SLC44A5: variants seen among roughly 807,000 people sequenced by gnomAD.
SLC44A5 encodes choline transporter-like protein 5.
A neutral mutation model predicts 101.8 loss-of-function variants in SLC44A5; 57 were observed. The ratio of observed to expected loss-of-function variants is 0.56; its 90% confidence interval spans 0.45 to 0.70. SLC44A5 has a LOEUF of 0.70. Among genes scored for constraint, SLC44A5 ranks in the 30% least tolerant of loss-of-function variants. SLC44A5 has a pLI of 0.00. For synonymous variants in SLC44A5, 281 were observed against 290.9 expected (o/e 0.97, Z 0.35); for missense variants, 737 against 853.1 (o/e 0.86, Z 1.70).
intron 4 of SLC44A5, among the ~76,000 whole-genome samples, chr1:75,329,220 A>C (rs1313616855): frequency 1.3e-5 from 2 of 152,188 alleles, no homozygotes; most frequent in Non-Finnish European, 2.9e-5. Context: ...TGGACCTAGC[A>C]GTTTGAAAAC....
At chr1:75,442,868 T>G (rs1665289446) in intron 2 of SLC44A5, among the ~76,000 whole-genome samples, 1 of 152,174 alleles carries the variant, frequency 6.6e-6, no homozygotes, top group African/African-American at 2.4e-5. Flanking sequence ...TACTGTTCAT[T>G]TAGAAGTCAA....
At chr1:75,307,886 G>A (rs1035155383) in intron 4 of SLC44A5, among the ~76,000 whole-genome samples, 3 of 152,136 alleles carry the variant, frequency 2.0e-5, no homozygotes, top group Admixed American at 6.5e-5. Context: ...GAAGAATTTC[G>A]CTCTGTTACT....
chr1:75,462,021 C>T lies in SLC44A5; in HGVS notation c.14-65400G>A, dbSNP rs544167885. On this transcript the variant is annotated intron_variant, in intron 2 of 23. Transcript: ENST00000370859. ...CTTTGCCACCTGCTGACTGTAGAGC[C>T]CTATGGCACTGAGCAAACATAGGCC... 1.1e-3 allele frequency among the ~76,000 whole-genome samples: 160 copies of T among 152,260 alleles called. 1 individual carries two copies. Among genetic ancestry groups the T allele is most frequent in the Non-Finnish European group, 2.0e-3 (135 of 68,016 alleles).
chr1:75,564,156 T>TA (rs1672660618), intron 1 of SLC44A5, among the ~76,000 whole-genome samples: 1 of 152,180 alleles, frequency 6.6e-6, no homozygotes, highest in East Asian at 1.9e-4. Flanking sequence ...TGCTGATCAA[T>TA]ATCAAATGGG....
At position 75,217,876 on chromosome 1, in the gene SLC44A5, G is replaced by T; in HGVS notation, c.1614C>A (p.His538Gln). 1 of 1,583,476 alleles carries T rather than the reference G, an allele frequency of 6.3e-7. No homozygotes were observed. Among genetic ancestry groups the T allele is most frequent in the Non-Finnish European group, 8.7e-7 (1 of 1,152,710 alleles). Residue 538 changes from histidine (H) to glutamine (Q), a missense_variant, in exon 18 of 24, where the codon CAC becomes CAA. His to Gln is a conservative substitution (Grantham distance 24). Coordinates refer to ENST00000370859, the MANE Select transcript of SLC44A5 (RefSeq NM_001130058.2). ...CATCTGAAATCTTACGTTTAAGACG[G>T]TGGTCCAAGTATTCTAGTACAATTT... ...MFKIVLEYLD[H>Q]RLKRTQNTLS...
chr1:75,238,443 A>G (rs1231765132), intron 10 of SLC44A5, 70 bp downstream of exon 10: 12 of 1,192,612 alleles, frequency 1.0e-5, no homozygotes, highest in Non-Finnish European at 1.2e-5. Context: ...CCTTAACCCA[A>G]TAGGCGCTTT....
At chr1:75,571,974 CAG>C (rs1028552837) in intron 1 of SLC44A5, among the ~76,000 whole-genome samples, 3 of 152,110 alleles carry the variant, frequency 2.0e-5, no homozygotes, top group African/African-American at 7.2e-5. Flanking sequence ...TGCTAGAAGA[CAG>C]TGAATTTATG....
the SLC44A5 span, among the ~76,000 whole-genome samples, chr1:75,624,338 C>T: frequency 2.6e-5 from 4 of 151,912 alleles, no homozygotes; most frequent in African/African-American, 9.7e-5. Flanking sequence ...TTTGCAATGC[C>T]CAATGTAATA....
At chr1:75,472,511 A>G (rs1667167234) in intron 2 of SLC44A5, among the ~76,000 whole-genome samples, 1 of 152,194 alleles carries the variant, frequency 6.6e-6, no homozygotes, top group Admixed American at 6.5e-5. Flanking sequence ...AACTTTGACA[A>G]TTATTAAGCA....
Position 75,577,786 on chromosome 1 carries a change from A to T in SLC44A5, c.-70+33254T>A, listed in dbSNP as rs563328615. Among the ~76,000 whole-genome samples the T allele has an allele frequency of 3.9e-5, 6 of 152,290 alleles. No individual in the cohort carries two copies. The South Asian group carries it at 1.2e-3, about 32-fold the overall frequency. Reference sequence around the variant, plus strand: ...TGTATATCCCCATATCCTATTGTGTACCTATTCTGGGACATTACTGAGTTC... The same window carrying T: ...TGTATATCCCCATATCCTATTGTGTTCCTATTCTGGGACATTACTGAGTTC... On this transcript the variant is annotated intron_variant, in intron 1 of 23. Coordinates refer to ENST00000370859, the MANE Select transcript of SLC44A5 (RefSeq NM_001130058.2).
the SLC44A5 span, among the ~76,000 whole-genome samples, chr1:75,671,262 G>A: frequency 6.6e-6 from 1 of 152,068 alleles, no homozygotes; most frequent in South Asian, 2.1e-4. Flanking sequence ...GTGGACTCTG[G>A]ATTTACTCAT....
At chr1:75,318,823 G>C (rs1314062195) in intron 4 of SLC44A5, among the ~76,000 whole-genome samples, 1 of 152,086 alleles carries the variant, frequency 6.6e-6, no homozygotes. Flanking sequence ...CTTCTATGGA[G>C]AACTGAGCAC....
At chr1:75,402,031 T>G (rs1662513755) in intron 2 of SLC44A5, among the ~76,000 whole-genome samples, 1 of 152,104 alleles carries the variant, frequency 6.6e-6, no homozygotes, top group Non-Finnish European at 1.5e-5. Flanking sequence ...GTGAAGAAAG[T>G]TGATAGTTAA....
intron 3 of SLC44A5, among the ~76,000 whole-genome samples, chr1:75,389,166 C>T (rs984122004): frequency 6.6e-6 from 1 of 152,120 alleles, no homozygotes; most frequent in African/African-American, 2.4e-5. Context: ...AACACTGGAG[C>T]ACTCAGATTC....
chr1:75,472,083 T>TAA (rs11284319), intron 2 of SLC44A5, among the ~76,000 whole-genome samples: 18 of 141,292 alleles, frequency 1.3e-4, no homozygotes, highest in Non-Finnish European at 2.1e-4. Flanking sequence ...CCCCTGGGTT[T>TAA]AAAAAAAAAA....
chr1:75,557,618 A>C (rs1672290749), intron 1 of SLC44A5, among the ~76,000 whole-genome samples: 1 of 152,056 alleles, frequency 6.6e-6, no homozygotes, highest in South Asian at 2.1e-4. Flanking sequence ...AAAACAGAAA[A>C]CAAAAATTAT....
intron 2 of SLC44A5, among the ~76,000 whole-genome samples, chr1:75,531,803 T>C (rs1318657540): frequency 6.6e-6 from 1 of 151,950 alleles, no homozygotes; most frequent in Non-Finnish European, 1.5e-5. Context: ...AGTCATTCAA[T>C]GATAGACATT....
In SLC44A5 at chr1:75,417,342, G is replaced by A. The variant is rs933363614; in HGVS notation, c.14-20721C>T. On this transcript the variant is annotated intron_variant, in intron 2 of 23. Coordinates refer to ENST00000370859, the MANE Select transcript of SLC44A5 (RefSeq NM_001130058.2). The stretch of plus-strand genomic sequence containing the variant: ...CCTCCTTGCCTTCTGCCATGATCGT[G>A]AGGCTTCTACAGCCACATGGAACTG... Among the ~76,000 whole-genome samples, 4 of 152,302 alleles carry A rather than the reference G, an allele frequency of 2.6e-5. No homozygotes were observed. In the East Asian group the frequency reaches 7.7e-4, roughly 29 times the overall value.
intron 23 of SLC44A5, chr1:75,206,352 T>C (rs1646748827): frequency 2.8e-6 from 1 of 361,576 alleles, no homozygotes; most frequent in Non-Finnish European, 5.0e-6. Flanking sequence ...TTATAAAAGT[T>C]ATTAAAACAC....
Sources: gnomAD v4.1 joint callset for allele counts (sites outside exome capture counted in the v4.1 genomes callset) on GRCh38, gnomAD v4.1.1 for gene constraint, MANE v1.5 for transcripts, NCBI Gene and HGNC (gene_info 2026-07-23, HGNC 2026-07-21) for gene names.